The following DENND1B variants were observed in gnomAD, a reference collection of about 807,000 sequenced individuals.
DENND1B encodes DENN domain-containing protein 1B.
In DENND1B, 59 loss-of-function variants were observed where a neutral mutation model predicts 90.1. The ratio of observed to expected loss-of-function variants is 0.65; its 90% CI spans 0.53 to 0.81. DENND1B has a LOEUF of 0.81. Among genes scored for constraint, DENND1B ranks in the 40% least tolerant of loss-of-function variants. The pLI is 0.00. For synonymous variants in DENND1B, 337 were observed against 324.6 expected, an observed-to-expected ratio of 1.04 and a Z score of -0.41; for missense variants, 862 against 912.6, an observed-to-expected ratio of 0.94 and a Z score of 0.71.
chr1:197,678,385 T>C (rs879174987), intron 3 of DENND1B, among the ~76,000 whole-genome samples: 17 of 152,200 alleles, frequency 1.1e-4, no homozygotes, highest in Admixed American at 3.3e-4. Flanking sequence ...CAGAATCATT[T>C]TGCTACAACT....
At chr1:197,639,960 G>C (rs1680128797) in intron 10 of DENND1B, among the ~76,000 whole-genome samples, 1 of 152,092 alleles carries the variant, frequency 6.6e-6, no homozygotes, top group Non-Finnish European at 1.5e-5. Flanking sequence ...CGGTCCCAGA[G>C]AGTGAACCAA....
rs1457937392 is a variant in DENND1B, at chr1:197,545,993, G to A, written c.1282-3C>T. 2 of 1,596,492 alleles carry A rather than the reference G, an allele frequency of 1.3e-6. No individual in the cohort carries two copies. The highest frequency in any genetic ancestry group is 1.4e-5 in the African/African-American group (1 of 74,062). On this transcript the variant is annotated splice_polypyrimidine_tract_variant and splice_region_variant and intron_variant, in intron 17 of 22. Transcript: ENST00000620048. ...GTGTTGAACAGTGCACCTCCTTTCTGCAAAAGAAAAACAGAAACATATTTC... is the reference window on the plus strand; with the variant it reads ...GTGTTGAACAGTGCACCTCCTTTCTACAAAAGAAAAACAGAAACATATTTC...
rs909998448 is a variant in DENND1B, at chr1:197,588,405, T to A, written c.1048-5152A>T. Among the ~76,000 whole-genome samples, 7 of 152,280 alleles carry A rather than the reference T, an allele frequency of 4.6e-5. No homozygotes were observed. The South Asian group carries it at 1.4e-3, about 32-fold the overall frequency. ...GAAAATACTTAAAACATAGATTAGATCTTATACTATCAGGACGTGTATGAC... is the reference window on the plus strand; with the variant it reads ...GAAAATACTTAAAACATAGATTAGAACTTATACTATCAGGACGTGTATGAC... On this transcript the variant is annotated intron_variant, in intron 14 of 22. Transcript: ENST00000620048.
At chr1:197,580,687 C>T (rs1349250992) in intron 15 of DENND1B, among the ~76,000 whole-genome samples, 1 of 152,106 alleles carries the variant, frequency 6.6e-6, no homozygotes, top group Non-Finnish European at 1.5e-5. Flanking sequence ...CTTCCCTCTA[C>T]CCAGCACTAA....
intron 18 of DENND1B, among the ~76,000 whole-genome samples, chr1:197,545,053 A>AG (rs768520548): frequency 0.011 from 1,489 of 141,630 alleles, 22 homozygotes; most frequent in African/African-American, 0.022. Context: ...GAGAAGGAGA[A>AG]GAAGAAGAAG....
At chr1:197,592,727 G>T (rs898050229) in intron 14 of DENND1B, among the ~76,000 whole-genome samples, 1 of 152,140 alleles carries the variant, frequency 6.6e-6, no homozygotes, top group African/African-American at 2.4e-5. Context: ...GCCTGCCCAT[G>T]GTAAGGGCCT....
chr1:197,693,357 T>A (rs1294082101), intron 3 of DENND1B, among the ~76,000 whole-genome samples: 1 of 151,712 alleles, frequency 6.6e-6, no homozygotes, highest in South Asian at 2.1e-4. Flanking sequence ...ACATTCACCA[T>A]CACAGTTAGT....
rs111621125 is a variant in DENND1B, at chr1:197,763,217, G to A, written c.82+9651C>T. On this transcript the variant is annotated intron_variant, in intron 2 of 22. Coordinates refer to ENST00000620048, the MANE Select transcript of DENND1B (RefSeq NM_001195215.2). ...TACTGGCTACTCAGAAGACTGAGGCGGGAGGATCCCTGGAGCCCAGTTCAA... is the reference window on the plus strand; with the variant it reads ...TACTGGCTACTCAGAAGACTGAGGCAGGAGGATCCCTGGAGCCCAGTTCAA... 2.1e-3 allele frequency among the ~76,000 whole-genome samples: 315 copies of A among 152,250 alleles called. 3 individuals carry two copies. The highest frequency in any genetic ancestry group is 0.018 in the South Asian group (87 of 4,826).
intron 15 of DENND1B, among the ~76,000 whole-genome samples, chr1:197,562,558 C>A (rs1396371891): frequency 1.3e-5 from 2 of 151,826 alleles, no homozygotes; most frequent in African/African-American, 4.8e-5. Context: ...GTGCCAGGAA[C>A]CACCCCCACA....
chr1:197,652,256 A>G lies in DENND1B; in HGVS notation c.426T>C (p.Asn142=). 6.2e-7 allele frequency: 1 copy of G among 1,611,520 alleles called. No homozygotes were observed. Among genetic ancestry groups the G allele is most frequent in the East Asian group, 2.2e-5 (1 of 44,562 alleles). ...SLYNHPVPKA[N]TPVNLSVNQE... ...TTACCACACTCAAATTTACAGGAGT[A>G]TTTGCCTTTGGTACTGGGTGGTTAT... Residue 142 remains asparagine (N), a synonymous_variant, in exon 7 of 23, where the codon AAT becomes AAC. Coordinates refer to ENST00000620048, the MANE Select transcript of DENND1B (RefSeq NM_001195215.2).
At chr1:197,680,610 T>C (rs183097195) in intron 3 of DENND1B, among the ~76,000 whole-genome samples, 4 of 152,298 alleles carry the variant, frequency 2.6e-5, no homozygotes, top group African/African-American at 9.6e-5. Flanking sequence ...AGAAAATAGA[T>C]GTGTGCAACC....
rs1676114741 is a variant in DENND1B at position 197,600,595 on chromosome 1, G to GA, written c.922-5263dup. On this transcript the variant is annotated intron_variant, in intron 13 of 22. Coordinates refer to ENST00000620048, the MANE Select transcript of DENND1B (RefSeq NM_001195215.2). ...TACCTCTTAATTGTTATACAATAGA[G>GA]AAATACATTTCTATTTTGATCTAAG... Among the ~76,000 whole-genome samples, 3 of 151,872 alleles carry GA rather than the reference G, an allele frequency of 2.0e-5. No individual in the cohort carries two copies. The East Asian group carries it at 5.8e-4, about 30-fold the overall frequency.
At chr1:197,657,389 T>G (rs1015695194) in intron 6 of DENND1B, among the ~76,000 whole-genome samples, 8 of 152,156 alleles carry the variant, frequency 5.3e-5, no homozygotes, top group Admixed American at 2.0e-4. Flanking sequence ...ATGCTTGCTG[T>G]GTTCCCAGAG....
At chr1:197,647,965 G>T (rs1680882809) in intron 7 of DENND1B, among the ~76,000 whole-genome samples, 1 of 147,270 alleles carries the variant, frequency 6.8e-6, no homozygotes, top group Non-Finnish European at 1.5e-5. Flanking sequence ...AAAAAAAAAA[G>T]ATATTATAAC....
intron 9 of DENND1B, among the ~76,000 whole-genome samples, chr1:197,644,437 G>A (rs1011393603): frequency 1.3e-5 from 2 of 152,078 alleles, no homozygotes; most frequent in African/African-American, 2.4e-5. Context: ...TTAGTTGTTT[G>A]TTAGTAAACA....
At chr1:197,760,116 A>C (rs1654841457) in intron 2 of DENND1B, among the ~76,000 whole-genome samples, 1 of 152,212 alleles carries the variant, frequency 6.6e-6, no homozygotes. Flanking sequence ...AATGTATAAG[A>C]TGACTAGAAA....
intron 7 of DENND1B, 36 bp from the exon 8 acceptor site, chr1:197,647,150 C>A: frequency 7.3e-7 from 1 of 1,361,244 alleles, no homozygotes; most frequent in Non-Finnish European, 9.6e-7. Context: ...GAATATTTTA[C>A]TTTCATGGGA....
chr1:197,619,008 T>C (rs141184224), intron 10 of DENND1B, among the ~76,000 whole-genome samples: 1 of 151,380 alleles, frequency 6.6e-6, no homozygotes, highest in African/African-American at 2.4e-5. Flanking sequence ...AAAATTTTTA[T>C]TCAAAGTATA....
chr1:197,663,478 T>C (rs1379289569), intron 5 of DENND1B, among the ~76,000 whole-genome samples: 1 of 152,168 alleles, frequency 6.6e-6, no homozygotes, highest in Non-Finnish European at 1.5e-5. Flanking sequence ...CAGTGCTAAC[T>C]GGCTATTTGC....
Sources: gnomAD v4.1 joint callset for allele counts (sites outside exome capture counted in the v4.1 genomes callset) on GRCh38, gnomAD v4.1.1 for gene constraint, MANE v1.5 for transcripts, NCBI Gene and HGNC (gene_info 2026-07-23, HGNC 2026-07-21) for gene names.